PNPLA6: variants seen among roughly 807,000 people sequenced by gnomAD.
PNPLA6 encodes patatin like domain 6, lysophospholipase, also known as patatin-like phospholipase domain-containing protein 6.
In PNPLA6, 105 loss-of-function variants were observed where a neutral mutation model predicts 153.7. That is an observed-to-expected ratio of 0.68 (90% CI 0.58 to 0.80). The LOEUF is 0.80. PNPLA6 is among the 30% of genes least tolerant of loss of function. The probability of loss-of-function intolerance (pLI) is 0.00; values close to 1 mark genes in which losing one functional copy is unlikely to be tolerated. For missense variants in PNPLA6, 1,423 were observed against 1,919.3 expected (o/e 0.74, Z 4.83); for synonymous variants, 825 against 822.2 (o/e 1.00, Z -0.06).
chr19:7,535,584 G>T, upstream of PNPLA6: 1 of 1,604,298 alleles, frequency 6.2e-7, no homozygotes, highest in Non-Finnish European at 8.5e-7. The surrounding 1 kb of genome is among the most constrained non-coding windows in gnomAD (Gnocchi z 5.0). Context: ...AATGGTAAGG[G>T]GTGGGGCGGA....
intron 18 of PNPLA6, among the ~76,000 whole-genome samples, chr19:7,551,853 A>T (rs897400551): frequency 4.6e-5 from 7 of 152,002 alleles, no homozygotes; most frequent in Admixed American, 1.3e-4. Flanking sequence ...TAATCTCAGC[A>T]CTTTGGGAGG....
Position 7,553,572 on chromosome 19 carries a change from C to T in PNPLA6, c.2261-303C>T, listed in dbSNP as rs372159094. Among the ~76,000 whole-genome samples, 34 of 152,338 alleles carry T rather than the reference C, an allele frequency of 2.2e-4. 1 individual carries two copies. The highest frequency in any genetic ancestry group is 7.9e-4 in the African/African-American group (33 of 41,578). On this transcript the variant is annotated intron_variant, in intron 18 of 31. Coordinates refer to ENST00000600737, the MANE Select transcript of PNPLA6 (RefSeq NM_001166114.2). The stretch of plus-strand genomic sequence containing the variant: ...CACTGGCCAATTGATCTCCCAAGCA[C>T]AGTGAATCTGAATGGTTGTAGAGTT...
chr19:7,545,930 AGTG>A (rs1201442369), intron 13 of PNPLA6, among the ~76,000 whole-genome samples: 1 of 150,288 alleles, frequency 6.7e-6, no homozygotes, highest in Non-Finnish European at 1.5e-5. Context: ...AAAAAAAAAA[AGTG>A]GGCAGGGAAA....
At chr19:7,558,735 T>G in intron 27 of PNPLA6, 115 bp from the exon 28 acceptor site, 1 of 692,966 alleles carries the variant, frequency 1.4e-6, no homozygotes, top group Non-Finnish European at 2.5e-6. Context: ...TGTGTGGGTA[T>G]TCTCTCTTTT....
rs757194369 is a variant in PNPLA6, at chr19:7,540,738, G to T, written c.795+28G>T. On this transcript the variant is annotated intron_variant, in intron 6 of 31. Transcript: ENST00000600737. The surrounding 1 kb of genome is among the most constrained non-coding windows in gnomAD (Gnocchi z 6.8). ...GAGTGACCAGTTTCTGAGGCAGGGGGGCTGGGGTGCAAGGTCCCACCCAAG... is the reference window on the plus strand; with the variant it reads ...GAGTGACCAGTTTCTGAGGCAGGGGTGCTGGGGTGCAAGGTCCCACCCAAG... 6 of 1,587,158 alleles carry T rather than the reference G, an allele frequency of 3.8e-6. No homozygotes were observed. Among genetic ancestry groups the T allele is most frequent in the South Asian group, 1.1e-5 (1 of 90,560 alleles).
At chr19:7,547,744 C>T (rs909413679) in intron 13 of PNPLA6, among the ~76,000 whole-genome samples, 3 of 151,724 alleles carry the variant, frequency 2.0e-5, no homozygotes, top group Non-Finnish European at 4.4e-5. Flanking sequence ...CTCAAGCAAT[C>T]CTCCTGCCTC....
At position 7,541,643 on chromosome 19, in the gene PNPLA6, G is replaced by A; in HGVS notation, c.1127G>A (p.Arg376Gln). The change falls in exon 9 of 32, where the codon CGG becomes CAG. Residue 376 changes from arginine (R) to glutamine (Q), a missense_variant. Coordinates refer to ENST00000600737, the MANE Select transcript of PNPLA6 (RefSeq NM_001166114.2). The surrounding 1 kb of genome is among the most constrained non-coding windows in gnomAD (Gnocchi z 5.2). ...ATDEPRETPG[R>Q]PPDPTGAPLP... ...GACGAGCCCAGGGAGACCCCAGGGCGGCCACCCGATCCCACCGGGGCCCCG... is the reference window on the plus strand; with the variant it reads ...GACGAGCCCAGGGAGACCCCAGGGCAGCCACCCGATCCCACCGGGGCCCCG... 1 of 1,585,128 alleles carries A rather than the reference G, an allele frequency of 6.3e-7. No homozygotes were observed. Among genetic ancestry groups the A allele is most frequent in the African/African-American group, 1.3e-5 (1 of 74,506 alleles).
Position 7,550,421 on chromosome 19 carries a change from G to A in PNPLA6, c.1938G>A (p.Ala646=), listed in dbSNP as rs770514706. ...GGACTGCAGTGGAGGCGGGACGCGC[G>A]CTGTACAGGTGCAGCTCCCACCGCG... The part of the protein sequence containing the change: ...IDWTAVEAGR[A]LYRQGDRSDC... Residue 646 remains alanine, a synonymous_variant, in exon 15 of 32, where the codon GCG becomes GCA. Coordinates refer to ENST00000600737, the MANE Select transcript of PNPLA6 (RefSeq NM_001166114.2). 7 of 1,611,116 alleles carry A rather than the reference G, an allele frequency of 4.3e-6. No homozygotes were observed. Among genetic ancestry groups the A allele is most frequent in the Non-Finnish European group, 5.9e-6 (7 of 1,179,884 alleles).
Position 7,555,284 on chromosome 19 carries a change from G to T in PNPLA6, c.2853G>T (p.Ala951=), listed in dbSNP as rs1257216343. The change falls in exon 23 of 32, where the codon GCG becomes GCT. Residue 951 remains alanine, a synonymous_variant. Coordinates refer to ENST00000600737, the MANE Select transcript of PNPLA6 (RefSeq NM_001166114.2). The surrounding 1 kb of genome is among the most constrained non-coding windows in gnomAD (Gnocchi z 6.3). ...ACGAGAAGGTTTTCTCCAGGCGCGC[G>T]GACCGGCACAGCGACTTCTCCCGCT... ...ELYEKVFSRR[A]DRHSDFSRLA... The T allele has an allele frequency of 6.3e-7, 1 of 1,595,474 alleles. No homozygotes were observed. The highest frequency in any genetic ancestry group is 1.1e-5 in the South Asian group (1 of 88,056).
At position 7,555,015 on chromosome 19, in the gene PNPLA6, G is replaced by T; in HGVS notation, c.2757G>T (p.Ser919=). ...GGCTAAATATGCGCAGCTGGTGCTC[G>T]GGGCACCTGCACCTGCGCTGTCCGC... ...VEWLNMRSWC[S]GHLHLRCPRR... is the part of the protein sequence containing the mutation. Residue 919 remains serine, a synonymous_variant, in exon 22 of 32, where the codon TCG becomes TCT. Coordinates refer to ENST00000600737, the MANE Select transcript of PNPLA6 (RefSeq NM_001166114.2). The surrounding 1 kb of genome is among the most constrained non-coding windows in gnomAD (Gnocchi z 6.3). The T allele has an allele frequency of 6.3e-7, 1 of 1,593,700 alleles. No homozygotes were observed. Among genetic ancestry groups the T allele is most frequent in the Non-Finnish European group, 8.5e-7 (1 of 1,178,112 alleles).
Position 7,541,681 on chromosome 19 carries a change from A to G in PNPLA6, c.1165A>G (p.Thr389Ala). 1.9e-6 allele frequency: 3 copies of G among 1,569,510 alleles called. No individual in the cohort carries two copies. The highest frequency in any genetic ancestry group is 1.7e-6 in the Non-Finnish European group (2 of 1,160,084). ...CACCGGGGCCCCGCTGCCTGGACCT[A>G]CAGGTACCCAGGGACCCGAGGCCAG... ...DPTGAPLPGP[T>A]GDPVKPTSLE... The change falls in exon 9 of 32, where the codon ACA (threonine) becomes GCA (alanine). Residue 389 changes from threonine to alanine, a missense_variant. Physicochemically the swap from Thr to Ala is moderately conservative, Grantham distance 58 (BLOSUM62 0). This residue lies in a region of PNPLA6 where 267 missense variants were observed against 255.1 expected (regional missense o/e 1.05). Coordinates refer to ENST00000600737, the MANE Select transcript of PNPLA6 (RefSeq NM_001166114.2). This position sits in a 1 kb window ranked among gnomAD's most constrained non-coding sequence, Gnocchi z 5.2.
intron 14 of PNPLA6, 67 bp from the exon 15 acceptor site, chr19:7,550,231 G>A: frequency 6.2e-7 from 1 of 1,611,886 alleles, no homozygotes; most frequent in Non-Finnish European, 8.5e-7. Context: ...CCCCAGATCT[G>A]GCCTCCCAGC....
At chr19:7,548,310 C>T (rs1045869312) in intron 13 of PNPLA6, among the ~76,000 whole-genome samples, 6 of 151,714 alleles carry the variant, frequency 4.0e-5, no homozygotes, top group East Asian at 1.9e-4. Context: ...TATCACTGCA[C>T]TCCAGCCTGG....
Position 7,540,617 on chromosome 19 carries a change from T to A in PNPLA6, c.715-13T>A. ...GCGAGGCCACTGAGGGTCCACGGTC[T>A]CCTGTGTCTCAGGACGGGAAGGAGT... On this transcript the variant is annotated splice_polypyrimidine_tract_variant and intron_variant, in intron 5 of 31. Transcript: ENST00000600737. This position sits in a 1 kb window ranked among gnomAD's most constrained non-coding sequence, Gnocchi z 6.8. The A allele has an allele frequency of 6.2e-7, 1 of 1,609,122 alleles. No individual in the cohort carries two copies. The highest frequency in any genetic ancestry group is 8.5e-7 in the Non-Finnish European group (1 of 1,175,476).
At chr19:7,558,326 G>A (rs2023970898) in intron 27 of PNPLA6, among the ~76,000 whole-genome samples, 1 of 152,198 alleles carries the variant, frequency 6.6e-6, no homozygotes, top group Admixed American at 6.5e-5. Flanking sequence ...CCCTCTGTTT[G>A]ATTGTATAAA....
intron 29 of PNPLA6, 47 bp downstream of exon 29, chr19:7,560,811 G>A (rs2024067431): frequency 1.6e-6 from 2 of 1,264,270 alleles, no homozygotes; most frequent in Non-Finnish European, 2.3e-6. Context: ...ACTGATTACA[G>A]AACCCAAGCC....
Position 7,556,738 on chromosome 19 carries a change from C to G in PNPLA6, c.3280+14C>G, listed in dbSNP as rs2023895631. 1 of 1,601,516 alleles carries G rather than the reference C, an allele frequency of 6.2e-7. No individual in the cohort carries two copies. On this transcript the variant is annotated intron_variant, in intron 26 of 31. Coordinates refer to ENST00000600737, the MANE Select transcript of PNPLA6 (RefSeq NM_001166114.2). ...TCCACAAAGATGGTGGGTGTCCCCG[C>G]CCAGCCTGCAGCAACCGCTGACGCC... is the stretch of plus-strand genomic sequence containing the variant.
chr19:7,538,994 G>A (rs1191605438), intron 3 of PNPLA6, among the ~76,000 whole-genome samples: 1 of 152,170 alleles, frequency 6.6e-6, no homozygotes, highest in African/African-American at 2.4e-5. Context: ...TAGTGGAGGG[G>A]CCATCTCAGA....
chr19:7,541,311 T>G lies in PNPLA6; in HGVS notation c.925-43T>G. 1 of 1,555,780 alleles carries G rather than the reference T, an allele frequency of 6.4e-7. No homozygotes were observed. Among genetic ancestry groups the G allele is most frequent in the Non-Finnish European group, 8.8e-7 (1 of 1,130,588 alleles). ...CCGGCCCACCATCTGGCCCTGCCCC[T>G]TACCCCGCCCCATCTTATGGCCACG... On this transcript the variant is annotated intron_variant, in intron 7 of 31. Transcript: ENST00000600737. This position sits in a 1 kb window ranked among gnomAD's most constrained non-coding sequence, Gnocchi z 5.2.
Sources: gnomAD v4.1 joint callset for allele counts (sites outside exome capture counted in the v4.1 genomes callset) on GRCh38, gnomAD v4.1.1 for gene constraint, gnomAD v4.1.1 regional missense constraint, Gnocchi (gnomAD v3.1) non-coding constraint, MANE v1.5 for transcripts, NCBI Gene and HGNC (gene_info 2026-07-23, HGNC 2026-07-21) for gene names.